Variants in ABL2 observed in about 807,000 individuals in gnomAD.
The protein encoded by ABL2 is tyrosine-protein kinase ABL2.
ABL2 carries 49 observed loss-of-function variants against 107.7 expected under a neutral mutation model. The ratio of observed to expected loss-of-function variants is 0.45; its 90% CI spans 0.36 to 0.58. The LOEUF is 0.58. Among genes scored for constraint, ABL2 ranks in the 20% least tolerant of loss-of-function variants. The probability of loss-of-function intolerance (pLI) is 0.00; values close to 1 mark genes in which losing one functional copy is unlikely to be tolerated. For missense variants in ABL2, 1,245 were observed against 1,457.0 expected (o/e 0.85, Z 2.37); for synonymous variants, 549 against 548.6 (o/e 1.00, Z -0.01).
intron 1 of ABL2, among the ~76,000 whole-genome samples, chr1:179,139,765 C>T (rs760058215): frequency 6.6e-6 from 1 of 152,150 alleles, no homozygotes; most frequent in Non-Finnish European, 1.5e-5. Flanking sequence ...CTCCACCTCC[C>T]GTCAGATTAG....
chr1:179,110,737 T>G, intron 10 of ABL2: 1 of 1,613,264 alleles, frequency 6.2e-7, no homozygotes, highest in Non-Finnish European at 8.5e-7. Flanking sequence ...GATGGATGTT[T>G]AGGTTGTTTC....
chr1:179,225,762 C>A (rs1185122924), intron 1 of ABL2, among the ~76,000 whole-genome samples: 1 of 152,050 alleles, frequency 6.6e-6, no homozygotes, highest in Non-Finnish European at 1.5e-5. Context: ...TATGACGTGG[C>A]CGGAAGCGGT....
intron 1 of ABL2, among the ~76,000 whole-genome samples, chr1:179,157,182 C>T (rs1345596341): frequency 6.6e-6 from 1 of 152,042 alleles, no homozygotes; most frequent in African/African-American, 2.4e-5. Context: ...TTCACTGGAG[C>T]ATTTAGGATT....
chr1:179,176,963 T>C (rs1237172579), intron 1 of ABL2, among the ~76,000 whole-genome samples: 1 of 152,128 alleles, frequency 6.6e-6, no homozygotes, highest in East Asian at 1.9e-4. Flanking sequence ...CCCAAAGTGC[T>C]GGGATTATAG....
intron 1 of ABL2, chr1:179,143,179 T>C: frequency 8.2e-6 from 10 of 1,222,792 alleles, no homozygotes; most frequent in Admixed American, 3.6e-5. Flanking sequence ...ACCAATAAAA[T>C]GGTGAGCATT....
chr1:179,163,445 T>C (rs1249428213), intron 1 of ABL2, among the ~76,000 whole-genome samples: 1 of 152,114 alleles, frequency 6.6e-6, no homozygotes, highest in African/African-American at 2.4e-5. Context: ...GGCAGCTCTA[T>C]TGAAAATTGT....
At chr1:179,192,782 A>T (rs1386999371) in intron 1 of ABL2, among the ~76,000 whole-genome samples, 4 of 152,222 alleles carry the variant, frequency 2.6e-5, no homozygotes, top group African/African-American at 9.6e-5. Context: ...GTTCTGAAAC[A>T]TTAAGTCTGA....
intron 1 of ABL2, among the ~76,000 whole-genome samples, chr1:179,204,455 A>G (rs1192349393): frequency 6.6e-6 from 1 of 152,050 alleles, no homozygotes; most frequent in Non-Finnish European, 1.5e-5. Flanking sequence ...CTACAAAAAT[A>G]CTAAGATGAG....
intron 1 of ABL2, among the ~76,000 whole-genome samples, chr1:179,184,775 C>G (rs905643993): frequency 6.6e-6 from 1 of 152,090 alleles, no homozygotes; most frequent in Admixed American, 6.5e-5. Context: ...TTTTTTCCCC[C>G]TCTTGTGGCT....
At position 179,188,910 on chromosome 1, in the gene ABL2, A is replaced by C. The variant is rs528276925; in HGVS notation, c.157+40331T>G. ...TTGATTGCCTCTAGAGAAGAGGCTA[A>C]AGGGAGAGAAATATAGGGAGATTAA... On this transcript the variant is annotated intron_variant, in intron 1 of 11. Transcript: ENST00000502732. Among the ~76,000 whole-genome samples the C allele has an allele frequency of 7.9e-4, 120 of 152,340 alleles. No homozygotes were observed. In the Middle Eastern group the frequency reaches 0.01, roughly 13 times the overall value.
At chr1:179,220,220 T>C (rs1446921315) in intron 1 of ABL2, among the ~76,000 whole-genome samples, 2 of 152,216 alleles carry the variant, frequency 1.3e-5, no homozygotes, top group African/African-American at 4.8e-5. Flanking sequence ...AATGGGAAGA[T>C]TAATACCTGC....
In ABL2 at chr1:179,102,881, AC is replaced by A. The variant is rs1653219857; in HGVS notation, c.*4836del. ...ATGACAAATGTCAATGTCATTTATAACTGGTAGGAAATCCTAGAAAAGTAAT... is the reference window on the plus strand; with the variant it reads ...ATGACAAATGTCAATGTCATTTATAATGGTAGGAAATCCTAGAAAAGTAAT... On this transcript the variant is annotated 3_prime_UTR_variant, in exon 12 of 12. Transcript: ENST00000502732. 2 of 226,178 alleles carry A rather than the reference AC, an allele frequency of 8.8e-6. No individual in the cohort carries two copies. Among genetic ancestry groups the A allele is most frequent in the South Asian group, 3.7e-4 (2 of 5,450 alleles). 14.0% of individuals were successfully genotyped at this position (226,178 alleles called of 1,614,324 possible).
intron 1 of ABL2, among the ~76,000 whole-genome samples, chr1:179,208,957 C>CA (rs1337670161): frequency 9.9e-5 from 15 of 151,906 alleles, no homozygotes; most frequent in Non-Finnish European, 1.3e-4. Context: ...CTACCAAAAG[C>CA]AAAAAATAGG....
At chr1:179,218,643 CT>C in intron 1 of ABL2, among the ~76,000 whole-genome samples, 1 of 152,310 alleles carries the variant, frequency 6.6e-6, no homozygotes, top group East Asian at 1.9e-4. Context: ...TGTGATCCAC[CT>C]GCCTTGGCTT....
chr1:179,166,537 G>A (rs749008436), intron 1 of ABL2, among the ~76,000 whole-genome samples: 21 of 152,102 alleles, frequency 1.4e-4, no homozygotes, highest in Non-Finnish European at 2.2e-4. Flanking sequence ...CCAGCACTTT[G>A]GGAGGCCAAG....
intron 1 of ABL2, among the ~76,000 whole-genome samples, chr1:179,140,149 G>A (rs978275287): frequency 2.6e-5 from 4 of 152,098 alleles, no homozygotes; most frequent in Non-Finnish European, 4.4e-5. Context: ...ATCCTTAAAG[G>A]CCCTGCAAGG....
chr1:179,168,036 AAC>A (rs1659497482), intron 1 of ABL2, among the ~76,000 whole-genome samples: 1 of 152,202 alleles, frequency 6.6e-6, no homozygotes, highest in Non-Finnish European at 1.5e-5. Flanking sequence ...TCCAAATAAA[AAC>A]AGAGATAAGT....
chr1:179,214,744 T>C (rs1040298245), intron 1 of ABL2, among the ~76,000 whole-genome samples: 1 of 151,894 alleles, frequency 6.6e-6, no homozygotes, highest in Non-Finnish European at 1.5e-5. Flanking sequence ...TAAACAAGTA[T>C]TCATCAATAA....
At chr1:179,227,080 A>T (rs1039789728) in intron 1 of ABL2, among the ~76,000 whole-genome samples, 1 of 152,188 alleles carries the variant, frequency 6.6e-6, no homozygotes, top group African/African-American at 2.4e-5. Flanking sequence ...AAGACTAGCC[A>T]ATCAGGTAAA....
Sources: gnomAD v4.1 joint callset for allele counts (sites outside exome capture counted in the v4.1 genomes callset) on GRCh38, gnomAD v4.1.1 for gene constraint, MANE v1.5 for transcripts, NCBI Gene and HGNC (gene_info 2026-07-23, HGNC 2026-07-21) for gene names.